Variants in PPP3CA observed in about 807,000 individuals in gnomAD.
PPP3CA encodes protein phosphatase 3 catalytic subunit alpha.
Under a neutral mutation model 66.5 loss-of-function variants are expected in PPP3CA, and 14 were observed. The ratio of observed to expected loss-of-function variants is 0.21; its 90% CI spans 0.14 to 0.33. PPP3CA has a LOEUF of 0.33. PPP3CA is among the 10% of genes least tolerant of loss of function. The pLI is 1.00. For synonymous variants in PPP3CA, 232 were observed against 226.2 expected, an observed-to-expected ratio of 1.03 and a Z score of -0.23; for missense variants, 317 against 639.5, an observed-to-expected ratio of 0.50 and a Z score of 5.44.
chr4:101,125,135 C>T (rs1722206773), intron 2 of PPP3CA, among the ~76,000 whole-genome samples: 1 of 152,172 alleles, frequency 6.6e-6, no homozygotes, highest in African/African-American at 2.4e-5. Context: ...ACTATAGAAA[C>T]TTAAGCCACT....
At chr4:101,178,291 CCATGTTTCAGT>C (rs1471184620) in intron 2 of PPP3CA, among the ~76,000 whole-genome samples, 1 of 152,068 alleles carries the variant, frequency 6.6e-6, no homozygotes, top group African/African-American at 2.4e-5. Context: ...AAGCATGAAT[CCATGTTTCAGT>C]TTTACTTTAT....
chr4:101,193,130 A>G (rs901760046), intron 2 of PPP3CA, among the ~76,000 whole-genome samples: 22 of 152,292 alleles, frequency 1.4e-4, no homozygotes, highest in Admixed American at 4.6e-4. Context: ...GCTTGGTTAG[A>G]TATCTGTTTC....
At chr4:101,147,689 G>T (rs1469921325) in intron 2 of PPP3CA, among the ~76,000 whole-genome samples, 1 of 151,714 alleles carries the variant, frequency 6.6e-6, no homozygotes, top group Non-Finnish European at 1.5e-5. Flanking sequence ...TTCATCCATA[G>T]TTCATTCTCA....
intron 2 of PPP3CA, among the ~76,000 whole-genome samples, chr4:101,158,693 G>A (rs1225958299): frequency 6.6e-6 from 1 of 152,064 alleles, no homozygotes; most frequent in African/African-American, 2.4e-5. Context: ...ATATCTGAAT[G>A]AGTCAGTCAA....
At chr4:101,202,284 G>T (rs1022861305) in intron 1 of PPP3CA, among the ~76,000 whole-genome samples, 4 of 152,210 alleles carry the variant, frequency 2.6e-5, no homozygotes, top group African/African-American at 9.6e-5. Context: ...TAAAACATAT[G>T]CCAGTTGAAG....
At chr4:101,033,615 T>C (rs1268722047) in intron 11 of PPP3CA, among the ~76,000 whole-genome samples, 1 of 152,226 alleles carries the variant, frequency 6.6e-6, no homozygotes, top group African/African-American at 2.4e-5. Context: ...TGCATCTCTT[T>C]TGATAACAGC....
chr4:101,231,146 A>G (rs958608568), intron 1 of PPP3CA, among the ~76,000 whole-genome samples: 1 of 151,618 alleles, frequency 6.6e-6, no homozygotes, highest in Non-Finnish European at 1.5e-5. Flanking sequence ...CTCTTTCACA[A>G]ATGATCTTCT....
At chr4:101,312,929 A>G (rs778577976) in intron 1 of PPP3CA, among the ~76,000 whole-genome samples, 2 of 152,236 alleles carry the variant, frequency 1.3e-5, no homozygotes, top group Non-Finnish European at 2.9e-5. Context: ...CAAAAAATAC[A>G]TAAAAAGCAC....
intron 1 of PPP3CA, among the ~76,000 whole-genome samples, chr4:101,333,486 T>A (rs1028711415): frequency 6.6e-6 from 1 of 151,874 alleles, no homozygotes; most frequent in African/African-American, 2.4e-5. Flanking sequence ...AAATTCATAC[T>A]TAATAGGAAG....
intron 1 of PPP3CA, among the ~76,000 whole-genome samples, chr4:101,221,457 A>G (rs931601544): frequency 3.7e-5 from 3 of 81,166 alleles, no homozygotes; most frequent in African/African-American, 7.8e-5. Flanking sequence ...AATAAAACGC[A>G]TATTTTGAGA....
chr4:101,122,576 C>A (rs1722064725), intron 2 of PPP3CA, among the ~76,000 whole-genome samples: 1 of 151,992 alleles, frequency 6.6e-6, no homozygotes, highest in African/African-American at 2.4e-5. Context: ...AAGACTTAAC[C>A]AAAAAGAAGT....
chr4:101,345,641 A>C (rs1024789476), intron 1 of PPP3CA, among the ~76,000 whole-genome samples: 71 of 152,220 alleles, frequency 4.7e-4, no homozygotes, highest in African/African-American at 1.7e-3. Context: ...GATTCATAGG[A>C]TGGTTCCTCC....
chr4:101,250,414 A>T (rs893323152), intron 1 of PPP3CA: 5 of 452,898 alleles, frequency 1.1e-5, no homozygotes, highest in Admixed American at 2.4e-5. Flanking sequence ...ATATGTTGCC[A>T]TAAGAATATA....
chr4:101,337,608 CT>C (rs1158648486), intron 1 of PPP3CA, among the ~76,000 whole-genome samples: 1 of 152,194 alleles, frequency 6.6e-6, no homozygotes, highest in African/African-American at 2.4e-5. Flanking sequence ...TAGTCTTCAA[CT>C]CTTTGAAATG....
At chr4:101,223,170 G>C (rs1725678228) in intron 1 of PPP3CA, among the ~76,000 whole-genome samples, 1 of 151,668 alleles carries the variant, frequency 6.6e-6, no homozygotes, top group Admixed American at 6.6e-5. Context: ...GCTTAAATTT[G>C]ACCTTGGCTC....
chr4:101,082,983 T>TA (rs1729502878), intron 7 of PPP3CA, among the ~76,000 whole-genome samples: 1 of 152,204 alleles, frequency 6.6e-6, no homozygotes, highest in Non-Finnish European at 1.5e-5. Flanking sequence ...GTAAGAACTT[T>TA]ACGGGAGACT....
At chr4:101,149,694 A>T (rs1723077605) in intron 2 of PPP3CA, among the ~76,000 whole-genome samples, 5 of 152,120 alleles carry the variant, frequency 3.3e-5, no homozygotes, top group African/African-American at 1.2e-4. Context: ...ACATTTATCA[A>T]ACACTCACAA....
intron 1 of PPP3CA, among the ~76,000 whole-genome samples, chr4:101,269,403 T>TA (rs1727264161): frequency 6.6e-6 from 1 of 152,130 alleles, no homozygotes; most frequent in Non-Finnish European, 1.5e-5. Context: ...ACTACCTTTT[T>TA]AAATCTAATT....
At chr4:101,316,968 G>T (rs754239830) in intron 1 of PPP3CA, among the ~76,000 whole-genome samples, 2 of 152,126 alleles carry the variant, frequency 1.3e-5, no homozygotes, top group Non-Finnish European at 2.9e-5. Context: ...TTCTTGGGAA[G>T]ATAGAGGAAG....
Sources: allele counts gnomAD v4.1 joint callset (sites outside exome capture counted in the v4.1 genomes callset), GRCh38; gene constraint gnomAD v4.1.1; transcripts MANE v1.5; gene names NCBI Gene and HGNC (gene_info 2026-07-23, HGNC 2026-07-21).